KCNMB2: variants seen among roughly 807,000 people sequenced by gnomAD.
KCNMB2 encodes the protein potassium calcium-activated channel subfamily M regulatory beta subunit 2.
KCNMB2 carries 9 observed loss-of-function variants against 24.5 expected under a neutral mutation model. The ratio of observed to expected loss-of-function variants is 0.37; its 90% CI spans 0.22 to 0.64. The LOEUF (loss-of-function observed/expected upper bound fraction) is 0.64. Among genes scored for constraint, KCNMB2 ranks in the 30% least tolerant of loss-of-function variants. The probability of loss-of-function intolerance (pLI) is 0.63; values close to 1 mark genes in which losing one functional copy is unlikely to be tolerated. For missense variants in KCNMB2, 226 were observed against 284.3 expected (o/e 0.79, Z 1.47); for synonymous variants, 109 against 104.4 (o/e 1.04, Z -0.27).
rs372893373 is a variant in KCNMB2, at chr3:178,548,918, T to C, written c.-68+12207T>C. Among the ~76,000 whole-genome samples the C allele has an allele frequency of 2.5e-4, 38 of 152,322 alleles. 1 individual carries two copies. Among genetic ancestry groups the C allele is most frequent in the African/African-American group, 9.1e-4 (38 of 41,578 alleles). The stretch of plus-strand genomic sequence containing the variant: ...GAGTTCAAAATCCATCTAGTGCATG[T>C]CCTTGGGCAAATAATTGAGTTCCCT... On this transcript the variant is annotated intron_variant, in intron 1 of 4. Transcript: ENST00000452583.
intron 1 of KCNMB2, among the ~76,000 whole-genome samples, chr3:178,551,324 A>G (rs1302280344): frequency 6.6e-6 from 1 of 152,186 alleles, no homozygotes; most frequent in Non-Finnish European, 1.5e-5. Flanking sequence ...TGTGGTGAGC[A>G]TCACCATCCC....
chr3:178,770,528 A>C (rs948043475), intron 1 of KCNMB2, among the ~76,000 whole-genome samples: 1 of 152,184 alleles, frequency 6.6e-6, no homozygotes, highest in South Asian at 2.1e-4. Flanking sequence ...ACTTTTACCT[A>C]CTTCACAAGT....
At chr3:178,625,339 C>T (rs982040148) in intron 1 of KCNMB2, among the ~76,000 whole-genome samples, 1 of 152,178 alleles carries the variant, frequency 6.6e-6, no homozygotes, top group Non-Finnish European at 1.5e-5. Context: ...GCTGGACCCC[C>T]CCACCCCAAC....
At chr3:178,762,303 GAATCC>G (rs1045252584) in intron 1 of KCNMB2, among the ~76,000 whole-genome samples, 2 of 152,164 alleles carry the variant, frequency 1.3e-5, no homozygotes, top group Non-Finnish European at 2.9e-5. Flanking sequence ...AAGGTGAGAA[GAATCC>G]AGCCAACCCA....
At chr3:178,743,640 C>T (rs773506957) in intron 1 of KCNMB2, among the ~76,000 whole-genome samples, 6 of 151,994 alleles carry the variant, frequency 3.9e-5, no homozygotes, top group Non-Finnish European at 7.4e-5. Flanking sequence ...TCACAAAGTT[C>T]CTCTGACAGT....
chr3:178,790,595 T>C (rs1713283723), intron 1 of KCNMB2, among the ~76,000 whole-genome samples: 1 of 152,156 alleles, frequency 6.6e-6, no homozygotes, highest in Admixed American at 6.5e-5. Context: ...AAGGGACTTT[T>C]GTCCTTGAGT....
chr3:178,808,036 A>C (rs922559788), intron 2 of KCNMB2, among the ~76,000 whole-genome samples: 4 of 152,146 alleles, frequency 2.6e-5, no homozygotes, highest in Non-Finnish European at 5.9e-5. Context: ...GAAAACAGAA[A>C]GTATGAGAGG....
chr3:178,643,310 A>G (rs970837926), intron 1 of KCNMB2, among the ~76,000 whole-genome samples: 3 of 152,198 alleles, frequency 2.0e-5, no homozygotes, highest in African/African-American at 7.2e-5. Flanking sequence ...TGACAGAGTC[A>G]TGTGATGATG....
chr3:178,726,866 C>T (rs1253022997), intron 1 of KCNMB2, among the ~76,000 whole-genome samples: 1 of 152,006 alleles, frequency 6.6e-6, no homozygotes, highest in Non-Finnish European at 1.5e-5. Flanking sequence ...ATTTGTCTTT[C>T]TCCCATAATT....
intron 1 of KCNMB2, chr3:178,757,178 G>C (rs562860470): frequency 1.6e-5 from 2 of 122,300 alleles, no homozygotes; most frequent in Admixed American, 8.8e-5. Flanking sequence ...GGTTCAAGAA[G>C]TAAAACCAAA....
At chr3:178,821,438 C>G (rs1714622276) in intron 2 of KCNMB2, among the ~76,000 whole-genome samples, 1 of 152,018 alleles carries the variant, frequency 6.6e-6, no homozygotes, top group South Asian at 2.1e-4. Flanking sequence ...CTTGGACATG[C>G]AAAAAACCAA....
intron 1 of KCNMB2, among the ~76,000 whole-genome samples, chr3:178,550,457 CAAAAAAAAAAA>C (rs71671909): frequency 1.1e-4 from 5 of 46,020 alleles, no homozygotes; most frequent in African/African-American, 3.2e-4. Flanking sequence ...GACTCCGTCT[CAAAAAAAAAAA>C]AAAAAAAAAA....
chr3:178,771,203 C>T (rs1712335465), intron 1 of KCNMB2, among the ~76,000 whole-genome samples: 1 of 152,110 alleles, frequency 6.6e-6, no homozygotes, highest in Non-Finnish European at 1.5e-5. Context: ...CAACGCTACC[C>T]TACTGCTCCA....
intron 1 of KCNMB2, among the ~76,000 whole-genome samples, chr3:178,778,443 T>C (rs1712673011): frequency 8.0e-6 from 1 of 125,718 alleles, no homozygotes; most frequent in Admixed American, 8.5e-5. Context: ...ATGCCTGATT[T>C]CTACCCTTTA....
intron 2 of KCNMB2, among the ~76,000 whole-genome samples, chr3:178,824,342 G>A (rs1377519153): frequency 1.3e-5 from 2 of 152,206 alleles, no homozygotes; most frequent in African/African-American, 2.4e-5. Context: ...TTGAATGGGA[G>A]CATTTATTAC....
intron 1 of KCNMB2, among the ~76,000 whole-genome samples, chr3:178,711,526 A>G (rs1043688200): frequency 1.1e-4 from 16 of 152,164 alleles, no homozygotes; most frequent in Non-Finnish European, 2.4e-4. Context: ...AGATTTGGTC[A>G]TAAGACACTA....
chr3:178,796,620 T>C (rs1713554047), intron 1 of KCNMB2, among the ~76,000 whole-genome samples: 1 of 152,034 alleles, frequency 6.6e-6, no homozygotes, highest in African/African-American at 2.4e-5. Context: ...ACTATACAAA[T>C]GTATGGAAAT....
intron 1 of KCNMB2, among the ~76,000 whole-genome samples, chr3:178,775,266 T>C (rs953795312): frequency 5.3e-5 from 8 of 152,226 alleles, no homozygotes. Context: ...ACCATATTCC[T>C]GATACTGTCT....
intron 1 of KCNMB2, among the ~76,000 whole-genome samples, chr3:178,554,020 A>T (rs1479080161): frequency 2.0e-5 from 3 of 152,184 alleles, no homozygotes; most frequent in African/African-American, 7.2e-5. Flanking sequence ...ACATTTATTG[A>T]TTACCTATTA....
Sources: allele counts gnomAD v4.1 joint callset (sites outside exome capture counted in the v4.1 genomes callset), GRCh38; gene constraint gnomAD v4.1.1; transcripts MANE v1.5; gene names NCBI Gene and HGNC (gene_info 2026-07-23, HGNC 2026-07-21).